The following USP25 variants were observed in gnomAD, a reference collection of about 807,000 sequenced individuals.
USP25 encodes the protein ubiquitin carboxyl-terminal hydrolase 25.
Under a neutral mutation model 158.5 loss-of-function variants are expected in USP25, and 85 were observed. The ratio of observed to expected loss-of-function variants is 0.54; its 90% CI spans 0.45 to 0.64. The LOEUF (loss-of-function observed/expected upper bound fraction) is 0.64. USP25 is among the 30% of genes least tolerant of loss of function. USP25 has a pLI of 0.00. For synonymous variants in USP25, 464 were observed against 460.4 expected (o/e 1.01, Z -0.10); for missense variants, 1,242 against 1,327.3 (o/e 0.94, Z 1.00).
chr21:15,852,431 CTATT>C (rs1166751860), intron 20 of USP25, among the ~76,000 whole-genome samples: 3 of 152,084 alleles, frequency 2.0e-5, no homozygotes, highest in East Asian at 1.9e-4. Flanking sequence ...TGTTAAATAA[CTATT>C]TATTTTATTG....
intron 14 of USP25, 49 bp from the exon 15 acceptor site, chr21:15,830,482 G>A (rs755910660): frequency 3.3e-6 from 5 of 1,506,438 alleles, no homozygotes; most frequent in Admixed American, 3.9e-5. Context: ...TATCTTATAA[G>A]TAGAAACACA....
At chr21:15,740,309 C>T (rs1174887157) in intron 1 of USP25, among the ~76,000 whole-genome samples, 2 of 152,200 alleles carry the variant, frequency 1.3e-5, no homozygotes, top group African/African-American at 2.4e-5. Flanking sequence ...GCCTTGAGCA[C>T]TGTGTAAATT....
chr21:15,866,939 G>A (rs1432490528), intron 22 of USP25, among the ~76,000 whole-genome samples: 4 of 152,130 alleles, frequency 2.6e-5, no homozygotes, highest in Non-Finnish European at 2.9e-5. Flanking sequence ...CTGTGCAACT[G>A]TACCCTGTGG....
chr21:15,822,205 A>G (rs1280391343), intron 10 of USP25, among the ~76,000 whole-genome samples: 2 of 151,962 alleles, frequency 1.3e-5, no homozygotes, highest in African/African-American at 2.4e-5. Context: ...CTACAATCCA[A>G]ATATTGCAGA....
At position 15,811,169 on chromosome 21, in the gene USP25, AGTT is replaced by A; in HGVS notation, c.894_896del (p.Leu298del). On this transcript the variant is annotated inframe_deletion, in exon 9 of 26. Coordinates refer to ENST00000400183, the MANE Select transcript of USP25 (RefSeq NM_001283041.3). ...GAGAAGCCAAAGAACCCCATGGTAGAGTTGTTCTATGGCAGATTCCTGGCTGTG... is the reference window on the plus strand; with the variant it reads ...GAGAAGCCAAAGAACCCCATGGTAGAGTTCTATGGCAGATTCCTGGCTGTG... The A allele has an allele frequency of 6.2e-7, 1 of 1,612,988 alleles. No individual in the cohort carries two copies. Among genetic ancestry groups the A allele is most frequent in the Non-Finnish European group, 8.5e-7 (1 of 1,179,586 alleles).
chr21:15,827,215 C>T lies in USP25; in HGVS notation c.1693+12C>T. The T allele has an allele frequency of 6.2e-7, 1 of 1,606,114 alleles. No individual in the cohort carries two copies. The highest frequency in any genetic ancestry group is 8.5e-7 in the Non-Finnish European group (1 of 1,172,996). On this transcript the variant is annotated intron_variant, in intron 14 of 25. Transcript: ENST00000400183. ...AAATGACACCAGAGGTAAGAAGTGTCTCATAGCATGGTTACTGTCACCTCA... is the reference window on the plus strand; with the variant it reads ...AAATGACACCAGAGGTAAGAAGTGTTTCATAGCATGGTTACTGTCACCTCA...
intron 15 of USP25, 120 bp from the exon 16 acceptor site, chr21:15,831,281 C>G (rs577090873): frequency 2.3e-6 from 2 of 871,394 alleles, no homozygotes; most frequent in African/African-American, 3.4e-5. Context: ...AGTTCTCTCT[C>G]ATTTAAAAAA....
intron 21 of USP25, among the ~76,000 whole-genome samples, chr21:15,865,761 G>A (rs1331894079): frequency 6.6e-6 from 1 of 152,090 alleles, no homozygotes; most frequent in Non-Finnish European, 1.5e-5. Context: ...GTGCTTGAAA[G>A]ACAGAGTTAT....
At chr21:15,779,527 A>T (rs1237334865) in intron 4 of USP25, among the ~76,000 whole-genome samples, 1 of 151,836 alleles carries the variant, frequency 6.6e-6, no homozygotes, top group South Asian at 2.1e-4. Flanking sequence ...TATATACCCA[A>T]TTAGTATCAG....
At chr21:15,735,149 T>C (rs1288785361) in intron 1 of USP25, among the ~76,000 whole-genome samples, 1 of 152,198 alleles carries the variant, frequency 6.6e-6, no homozygotes, top group Non-Finnish European at 1.5e-5. Flanking sequence ...TAAAACCCCA[T>C]TTGGTCATGT....
intron 17 of USP25, among the ~76,000 whole-genome samples, chr21:15,838,366 G>A (rs556935473): frequency 6.6e-6 from 1 of 152,194 alleles, no homozygotes; most frequent in African/African-American, 2.4e-5. Context: ...GTGATCCTCA[G>A]TGTAGGAGAA....
chr21:15,838,491 T>G (rs2038168329), intron 17 of USP25, among the ~76,000 whole-genome samples: 1 of 152,132 alleles, frequency 6.6e-6, no homozygotes, highest in South Asian at 2.1e-4. Context: ...CTCTGGTTTC[T>G]AAACCTCTCT....
chr21:15,842,683 A>ATG, intron 18 of USP25, 143 bp downstream of exon 18: 2 of 933,350 alleles, frequency 2.1e-6, no homozygotes, highest in Non-Finnish European at 3.1e-6. Flanking sequence ...GACCATGGGC[A>ATG]AGTCATCTCA....
chr21:15,826,112 T>C lies in USP25; in HGVS notation c.1305-92T>C, dbSNP rs1293689618. 15 of 1,308,300 alleles carry C rather than the reference T, an allele frequency of 1.1e-5. No homozygotes were observed. Among genetic ancestry groups the C allele is most frequent in the African/African-American group, 4.5e-5 (3 of 66,872 alleles). 81.0% of individuals were successfully genotyped at this position (1,308,300 alleles called of 1,614,324 possible). A position where few individuals can be genotyped will look rare whatever the true frequency, so the allele number is the denominator to read the frequency against. ...GAATTTTATTGCTGAGGAAGTTTTA[T>C]TGAAGTATCGTATCACGTTTTATAA... On this transcript the variant is annotated intron_variant, in intron 12 of 25. Transcript: ENST00000400183. This position sits in a 1 kb window ranked among gnomAD's most constrained non-coding sequence, Gnocchi z 4.8.
chr21:15,879,536 G>C lies in USP25; in HGVS notation c.*1061G>C, dbSNP rs1462492890. On this transcript the variant is annotated 3_prime_UTR_variant, in exon 26 of 26. Coordinates refer to ENST00000400183, the MANE Select transcript of USP25 (RefSeq NM_001283041.3). ...TTTATTCCTTTTCAAAAAGGAAAAA[G>C]CTGTAGAACATTTTGTAGATGAAAC... is the stretch of plus-strand genomic sequence containing the variant. The C allele has an allele frequency of 1.3e-5, 2 of 152,414 alleles. No homozygotes were observed. Among genetic ancestry groups the C allele is most frequent in the African/African-American group, 4.8e-5 (2 of 41,404 alleles). The allele number at this position is 152,414 out of a possible 1,614,324, so 9.4% of individuals were successfully genotyped here.
intron 7 of USP25, among the ~76,000 whole-genome samples, chr21:15,806,206 A>G (rs1348353328): frequency 1.3e-5 from 2 of 152,214 alleles, no homozygotes; most frequent in African/African-American, 4.8e-5. Flanking sequence ...ACACAAATCA[A>G]AAGAAAGAGA....
intron 4 of USP25, among the ~76,000 whole-genome samples, chr21:15,782,728 C>T (rs2123537467): frequency 6.6e-6 from 1 of 152,238 alleles, no homozygotes; most frequent in South Asian, 2.1e-4. Context: ...CCAATCAGCA[C>T]CCTAGGACCC....
intron 3 of USP25, among the ~76,000 whole-genome samples, chr21:15,776,422 C>T (rs907449543): frequency 5.3e-5 from 8 of 151,654 alleles, no homozygotes; most frequent in African/African-American, 1.9e-4. Context: ...ATTTGGAGAA[C>T]GTGTGGATAA....
intron 1 of USP25, among the ~76,000 whole-genome samples, chr21:15,734,433 T>G (rs1286566592): frequency 6.6e-6 from 1 of 152,240 alleles, no homozygotes; most frequent in Non-Finnish European, 1.5e-5. Context: ...TATCTTATTA[T>G]TAGTATAAGA....
Sources: gnomAD v4.1 joint callset for allele counts (sites outside exome capture counted in the v4.1 genomes callset) on GRCh38, gnomAD v4.1.1 for gene constraint, Gnocchi (gnomAD v3.1) non-coding constraint, MANE v1.5 for transcripts, NCBI Gene and HGNC (gene_info 2026-07-23, HGNC 2026-07-21) for gene names.